ZNF536: variants seen among roughly 807,000 people sequenced by gnomAD.
ZNF536 encodes the protein zinc finger protein 536.
A neutral mutation model predicts 84.5 loss-of-function variants in ZNF536; 13 were observed. The observed-to-expected ratio is 0.15, with a 90% confidence interval of 0.10 to 0.24. ZNF536 has a LOEUF of 0.24. Among genes scored for constraint, ZNF536 ranks in the 10% least tolerant of loss-of-function variants. The pLI, the probability that ZNF536 is intolerant of heterozygous loss-of-function variation, is 1.00. For missense variants in ZNF536, 1,536 were observed against 1,747.5 expected (o/e 0.88, Z 2.16); for synonymous variants, 811 against 742.5 (o/e 1.09, Z -1.50).
At chr19:30,423,358 C>T (rs2051064751) in intron 1 of ZNF536, among the ~76,000 whole-genome samples, 1 of 152,070 alleles carries the variant, frequency 6.6e-6, no homozygotes, top group South Asian at 2.1e-4. Flanking sequence ...AACAATAGCA[C>T]CAAAAATCTG....
At chr19:30,345,494 G>A (rs1193978366) in intron 2 of ZNF536, among the ~76,000 whole-genome samples, 1 of 152,252 alleles carries the variant, frequency 6.6e-6, no homozygotes, top group African/African-American at 2.4e-5. Flanking sequence ...TATGGTAAAG[G>A]TATAAGCAGA....
chr19:30,346,371 C>A (rs1367385123), intron 2 of ZNF536, among the ~76,000 whole-genome samples: 1 of 152,068 alleles, frequency 6.6e-6, no homozygotes, highest in East Asian at 1.9e-4. Context: ...TCAGGGGTAC[C>A]TGTGCAGGTT....
intron 1 of ZNF536, among the ~76,000 whole-genome samples, chr19:30,254,474 T>C (rs1568532429): frequency 1.3e-5 from 2 of 152,068 alleles, no homozygotes; most frequent in African/African-American, 4.8e-5. Context: ...CCCGCCTTAT[T>C]GTTCAAGTGC....
At chr19:30,681,550 G>A (rs1422220253) in intron 1 of ZNF536, among the ~76,000 whole-genome samples, 1 of 152,160 alleles carries the variant, frequency 6.6e-6, no homozygotes, top group Non-Finnish European at 1.5e-5. Flanking sequence ...CTTTAGCTGG[G>A]GCACCAGCCA....
rs2146213238 is a variant in ZNF536 at position 30,548,696 on chromosome 19, G to A, written c.3077G>A (p.Gly1026Asp). The A allele has an allele frequency of 1.9e-6, 3 of 1,613,912 alleles. No homozygotes were observed. Among genetic ancestry groups the A allele is most frequent in the Non-Finnish European group, 2.5e-6 (3 of 1,180,036 alleles). Residue 1026 changes from glycine to aspartate, a missense_variant, in exon 4 of 5, where the codon GGC becomes GAC. Around this residue, in one of 8 missense-constraint regions of ZNF536, gnomAD observed 624 missense variants for 603.1 expected, o/e 1.03. Transcript: ENST00000355537. ...MALHLQANHLGKAKRKDNTIG... is the reference protein window; with the variant it reads ...MALHLQANHLDKAKRKDNTIG... ...CTTCATCTCCAGGCCAACCACCTGGGCAAAGCGAAACGCAAAGATAACACC... is the reference window on the plus strand; with the variant it reads ...CTTCATCTCCAGGCCAACCACCTGGACAAAGCGAAACGCAAAGATAACACC...
At chr19:30,605,248 T>G (rs994562037) in intron 1 of ZNF536, among the ~76,000 whole-genome samples, 16 of 152,060 alleles carry the variant, frequency 1.1e-4, no homozygotes, top group African/African-American at 3.9e-4. Flanking sequence ...GATAAGTTCT[T>G]TAGTGGTGAT....
Position 30,493,089 on chromosome 19 carries a change from CTTTTTTTTTTTTTT to C in ZNF536, c.2171-41744_2171-41731del, listed in dbSNP as rs201787656. ...AATATCTCTCTTGCAATATTACTCA[CTTTTTTTTTTTTTT>C]TTTTTTTTTTTTTGCCCATCCCTCA... On this transcript the variant is annotated intron_variant, in intron 2 of 4. Transcript: ENST00000355537. Among the ~76,000 whole-genome samples, 17 of 71,604 alleles carry C rather than the reference CTTTTTTTTTTTTTT, an allele frequency of 2.4e-4. No homozygotes were observed. The East Asian group carries it at 5.2e-3, about 22-fold the overall frequency. The allele number at this position is 71,604 out of a possible 152,430, so 47.0% of individuals were successfully genotyped here.
chr19:30,444,827 C>A lies in ZNF536; in HGVS notation c.1265C>A (p.Ala422Asp), dbSNP rs2052237579. The A allele has an allele frequency of 6.2e-7, 1 of 1,613,766 alleles. No individual in the cohort carries two copies. Among genetic ancestry groups the A allele is most frequent in the South Asian group, 1.1e-5 (1 of 91,084 alleles). Residue 422 changes from alanine to aspartate, a missense_variant, in exon 2 of 5, where the codon GCC becomes GAC. Ala to Asp is a moderately radical substitution (Grantham distance 126). Transcript: ENST00000355537. ...CCCATGGGCGGCATGTCCCAGGAGG[C>A]CCACGCCAACCTGTACTCCAGGTAC... ...PVPMGGMSQEAHANLYSRYLS... is the reference protein window; with the variant it reads ...PVPMGGMSQEDHANLYSRYLS...
At chr19:30,675,397 G>T (rs73927148) in intron 1 of ZNF536, among the ~76,000 whole-genome samples, 8,623 of 152,266 alleles carry the variant, frequency 0.057, 369 homozygotes, top group African/African-American at 0.12. Flanking sequence ...GGTGAGAAAG[G>T]ACGCTGTTCC....
intron 2 of ZNF536, among the ~76,000 whole-genome samples, chr19:30,506,317 A>G (rs528382448): frequency 6.6e-6 from 1 of 152,256 alleles, no homozygotes; most frequent in African/African-American, 2.4e-5. Context: ...AGTTTCTTTC[A>G]GAGGATGTTC....
chr19:30,290,445 A>C (rs1054225200), intron 2 of ZNF536, among the ~76,000 whole-genome samples: 1 of 151,950 alleles, frequency 6.6e-6, no homozygotes, highest in African/African-American at 2.4e-5. Context: ...TAATTTAAAA[A>C]TTTTTTTGTA....
intron 2 of ZNF536, among the ~76,000 whole-genome samples, chr19:30,532,988 T>C (rs2044907030): frequency 6.6e-6 from 1 of 152,166 alleles, no homozygotes; most frequent in African/African-American, 2.4e-5. Context: ...GTTCTAGATG[T>C]GGATGAGCCT....
chr19:30,418,421 T>C (rs1461256561), intron 1 of ZNF536, among the ~76,000 whole-genome samples: 2 of 152,228 alleles, frequency 1.3e-5, no homozygotes, highest in Non-Finnish European at 2.9e-5. Flanking sequence ...TTGTTAAATC[T>C]AAATGATAGA....
rs549272432 is a variant in ZNF536 at position 30,628,075 on chromosome 19, C to T, written c.169+78561C>T. On this transcript the variant is annotated intron_variant, in intron 1 of 1. Coordinates refer to the ZNF536 transcript ENST00000592773. ...GACAGACGGGAATGCAGCCTCCTCC[C>T]GGGTGGAAGGCTTTCTGCACGAGGG... Among the ~76,000 whole-genome samples the T allele has an allele frequency of 1.9e-3, 295 of 152,326 alleles. 2 individuals carry two copies. Among genetic ancestry groups the T allele is most frequent in the Non-Finnish European group, 3.0e-3 (207 of 68,028 alleles).
chr19:30,318,369 C>G (rs2046748756), intron 2 of ZNF536, among the ~76,000 whole-genome samples: 1 of 152,152 alleles, frequency 6.6e-6, no homozygotes, highest in Non-Finnish European at 1.5e-5. Flanking sequence ...CCGGGCAAAC[C>G]ACACGTAGGT....
chr19:30,426,668 G>A (rs942543162), intron 1 of ZNF536, among the ~76,000 whole-genome samples: 1 of 152,212 alleles, frequency 6.6e-6, no homozygotes, highest in Non-Finnish European at 1.5e-5. Flanking sequence ...GGAGCCTGGG[G>A]AGGCCAACAG....
intron 1 of ZNF536, among the ~76,000 whole-genome samples, chr19:30,379,927 G>T (rs778593461): frequency 2.0e-4 from 31 of 152,168 alleles, no homozygotes; most frequent in Non-Finnish European, 3.8e-4. Flanking sequence ...CCTGGCGAAG[G>T]AGCTGAGGCT....
intron 1 of ZNF536, among the ~76,000 whole-genome samples, chr19:30,609,696 A>AT (rs1409863696): frequency 1.3e-5 from 2 of 152,202 alleles, no homozygotes. Flanking sequence ...GCTTCAAGAC[A>AT]TTTGTTTATT....
chr19:30,322,389 A>G (rs1448006555), intron 2 of ZNF536, among the ~76,000 whole-genome samples: 1 of 152,150 alleles, frequency 6.6e-6, no homozygotes, highest in Admixed American at 6.5e-5. Context: ...CCAGATGCCC[A>G]CAGGGGAAAT....
Sources: gnomAD v4.1 joint callset for allele counts (sites outside exome capture counted in the v4.1 genomes callset) on GRCh38, gnomAD v4.1.1 for gene constraint, gnomAD v4.1.1 regional missense constraint, MANE v1.5 for transcripts, NCBI Gene and HGNC (gene_info 2026-07-23, HGNC 2026-07-21) for gene names.